CMYA5: variants seen among roughly 807,000 people sequenced by gnomAD.
CMYA5 encodes cardiomyopathy-associated protein 5.
In CMYA5, 246 loss-of-function variants were observed where a neutral mutation model predicts 318.9. The observed-to-expected ratio is 0.77, with a 90% confidence interval of 0.70 to 0.86. The LOEUF (loss-of-function observed/expected upper bound fraction) is 0.86. Ranked by LOEUF, CMYA5 falls within the 40% of genes least tolerant of loss-of-function variation. The pLI is 0.00. For synonymous variants in CMYA5, 1,641 were observed against 1,729.5 expected, an observed-to-expected ratio of 0.95 and a Z score of 1.27; for missense variants, 4,589 against 4,678.2, an observed-to-expected ratio of 0.98 and a Z score of 0.56.
At chr5:79,744,046 C>G (rs1029300456) in intron 3 of CMYA5, 124 bp downstream of exon 3, 3 of 526,584 alleles carry the variant, frequency 5.7e-6, no homozygotes, top group Non-Finnish European at 1.0e-5. Context: ...ATTGTTGGTT[C>G]GGTTCCATTC....
At chr5:79,699,363 A>C (rs1827134052) in intron 1 of CMYA5, among the ~76,000 whole-genome samples, 1 of 152,182 alleles carries the variant, frequency 6.6e-6, no homozygotes, top group Admixed American at 6.5e-5. Flanking sequence ...GGCATGGAGA[A>C]TGAAAACTGA....
chr5:79,775,189 C>T (rs904853129), intron 9 of CMYA5, among the ~76,000 whole-genome samples: 2 of 152,314 alleles, frequency 1.3e-5, no homozygotes, highest in African/African-American at 2.4e-5. Context: ...GATTCCCCAT[C>T]GCATCCCCCA....
At chr5:79,717,797 A>AT (rs1827547905) in intron 1 of CMYA5, among the ~76,000 whole-genome samples, 1 of 151,978 alleles carries the variant, frequency 6.6e-6, no homozygotes, top group Admixed American at 6.6e-5. Flanking sequence ...CGGCATAATT[A>AT]TGCTGTGTAA....
chr5:79,790,990 A>G lies in CMYA5; in HGVS notation c.11710A>G (p.Arg3904Gly), dbSNP rs763544308. The G allele has an allele frequency of 3.7e-6, 6 of 1,613,356 alleles. No homozygotes were observed. In the African/African-American group the frequency reaches 8.0e-5, roughly 22 times the overall value. Residue 3904 changes from arginine (R) to glycine (G), a missense_variant, in exon 11 of 13, where the codon AGA becomes GGA. Transcript: ENST00000446378. ...STRGTRFLLL[R>G]ETAHPALHIS... ...AATAGGAACCAGATTTCTCTTGTTG[A>G]GAGAAACAGCTCATCCTGCTCTACA...
intron 8 of CMYA5, chr5:79,762,186 A>G: frequency 2.1e-6 from 1 of 467,266 alleles, no homozygotes; most frequent in Non-Finnish European, 3.7e-6. Flanking sequence ...TAAGGGCCAT[A>G]TCCAGATATA....
intron 9 of CMYA5, among the ~76,000 whole-genome samples, chr5:79,778,811 C>CTGTGTGTGTGTGTGTGTATGTGTG (rs1828992858): frequency 1.2e-5 from 1 of 85,022 alleles, no homozygotes; most frequent in Admixed American, 1.3e-4. Context: ...CTCTCTCTTT[C>CTGTGTGTGTGTGTGTGTATGTGTG]TGTGTGTGTG....
Position 79,730,241 on chromosome 5 carries a change from C to T in CMYA5, c.1476C>T (p.Ser492=), listed in dbSNP as rs368442507. The stretch of plus-strand genomic sequence containing the variant: ...AGGAGGAAAACATGCTTGAGCCATC[C>T]ATTTCTCTTTCTGAACCTCTAATGT... ...GEKEENMLEP[S]ISLSEPLMLE... Residue 492 remains serine (S), a synonymous_variant, in exon 2 of 13, where the codon TCC becomes TCT. Coordinates refer to ENST00000446378, the MANE Select transcript of CMYA5 (RefSeq NM_153610.5). 6.2e-7 allele frequency: 1 copy of T among 1,613,916 alleles called. No individual in the cohort carries two copies. Among genetic ancestry groups the T allele is most frequent in the Non-Finnish European group, 8.5e-7 (1 of 1,179,856 alleles).
Position 79,737,172 on chromosome 5 carries a change from A to G in CMYA5, c.8407A>G (p.Lys2803Glu), listed in dbSNP as rs371358989. Residue 2803 changes from lysine to glutamate, a missense_variant, in exon 2 of 13, where the codon AAG becomes GAG. By Grantham distance (56) the Lys-to-Glu change is moderately conservative. Coordinates refer to ENST00000446378, the MANE Select transcript of CMYA5 (RefSeq NM_153610.5). ...RTLARPFDET[K>E]SSETPPYLLS... ...TTTAGCTCGTCCTTTTGATGAAACTAAGAGCTCAGAAACACCGCCATATTT... is the reference window on the plus strand; with the variant it reads ...TTTAGCTCGTCCTTTTGATGAAACTGAGAGCTCAGAAACACCGCCATATTT... The G allele has an allele frequency of 9.3e-5, 150 of 1,612,966 alleles. No individual in the cohort carries two copies. Among genetic ancestry groups the G allele is most frequent in the Non-Finnish European group, 1.2e-4 (139 of 1,179,646 alleles).
intron 1 of CMYA5, among the ~76,000 whole-genome samples, chr5:79,706,725 G>C (rs866876028): frequency 2.7e-5 from 4 of 145,788 alleles, no homozygotes; most frequent in Non-Finnish European, 5.9e-5. Flanking sequence ...GGCTCTCTGT[G>C]GGGGGAAGCA....
intron 10 of CMYA5, 32 bp downstream of exon 10, chr5:79,789,136 T>C: frequency 6.2e-7 from 1 of 1,611,052 alleles, no homozygotes; most frequent in Non-Finnish European, 8.5e-7. Context: ...GTGAGCTATT[T>C]CCAAGCTATT....
chr5:79,744,774 G>A (rs926619029), intron 3 of CMYA5, among the ~76,000 whole-genome samples: 3 of 152,178 alleles, frequency 2.0e-5, no homozygotes, highest in Non-Finnish European at 2.9e-5. Flanking sequence ...CCCACTGTGG[G>A]ATAACCTGCC....
At position 79,788,977 on chromosome 5, in the gene CMYA5, C is replaced by G; in HGVS notation, c.11562C>G (p.Phe3854Leu). ...ATTTTCCTCTTGTATTTAGATCTTT[C>G]TCTGGAATCAAAGGACTCCAGCTGA... ...HSPEGEGLRS[F>L]SGIKGLQLKV... Residue 3854 changes from phenylalanine to leucine, a missense_variant, in exon 10 of 13, where the codon TTC (phenylalanine) becomes TTG (leucine). Physicochemically the swap from Phe to Leu is conservative, Grantham distance 22. This residue lies in a region of CMYA5 where 2,431 missense variants were observed against 2,495.1 expected (regional missense o/e 0.97). Coordinates refer to ENST00000446378, the MANE Select transcript of CMYA5 (RefSeq NM_153610.5). The G allele has an allele frequency of 6.2e-7, 1 of 1,613,130 alleles. No individual in the cohort carries two copies.
In CMYA5 at chr5:79,733,042, C is replaced by T. The variant is rs377191145; in HGVS notation, c.4277C>T (p.Pro1426Leu). The T allele has an allele frequency of 1.9e-6, 3 of 1,613,186 alleles. No individual in the cohort carries two copies. The highest frequency in any genetic ancestry group is 2.5e-6 in the Non-Finnish European group (3 of 1,179,634). ...EDKVAIKGAS[P>L]IETSSKHLAW... ...AAGGTGGCAATTAAAGGTGCTTCTC[C>T]CATTGAAACTTCATCCAAACATTTA... The change falls in exon 2 of 13, where the codon CCC (proline) becomes CTC (leucine). Residue 1426 changes from proline (P) to leucine (L), a missense_variant. Pro to Leu is a moderately conservative substitution (Grantham distance 98). Coordinates refer to ENST00000446378, the MANE Select transcript of CMYA5 (RefSeq NM_153610.5).
Position 79,778,813 on chromosome 5 carries a change from G to GTGTGTGTGTGTGTGTGTGTGTGTGTA in CMYA5, c.11556-10135_11556-10134insGTATGTGTGTGTGTGTGTGTGTGTGT, listed in dbSNP as rs1561228868. The stretch of plus-strand genomic sequence containing the variant: ...GCCGCCTGCCCCCCTCTCTCTTTCT[G>GTGTGTGTGTGTGTGTGTGTGTGTGTA]TGTGTGTGTGTGTGTGTGTGTGTAT... On this transcript the variant is annotated intron_variant, in intron 9 of 12. Transcript: ENST00000446378. Among the ~76,000 whole-genome samples the GTGTGTGTGTGTGTGTGTGTGTGTGTA allele has an allele frequency of 1.3e-4, 13 of 99,978 alleles. 1 individual carries two copies. In the East Asian group the frequency reaches 1.9e-3, roughly 15 times the overall value. 65.6% of individuals were successfully genotyped at this position (99,978 alleles called of 152,430 possible).
At chr5:79,757,850 G>T (rs1233484332) in intron 6 of CMYA5, among the ~76,000 whole-genome samples, 6 of 152,122 alleles carry the variant, frequency 3.9e-5, no homozygotes, top group African/African-American at 9.7e-5. Flanking sequence ...ATACATTTTT[G>T]TTTATTTCTG....
At chr5:79,784,991 G>T (rs944319758) in intron 9 of CMYA5, among the ~76,000 whole-genome samples, 2 of 151,716 alleles carry the variant, frequency 1.3e-5, no homozygotes, top group Admixed American at 1.3e-4. Context: ...ATTTATCTCA[G>T]TAGATTGTGT....
At chr5:79,755,976 T>C (rs1218709264) in intron 6 of CMYA5, among the ~76,000 whole-genome samples, 1 of 151,784 alleles carries the variant, frequency 6.6e-6, no homozygotes, top group Admixed American at 6.6e-5. Context: ...TACAGCTCCA[T>C]GTATAATTCA....
In CMYA5 at chr5:79,791,017, A is replaced by T. The variant is rs2151100716; in HGVS notation, c.11737A>T (p.Ile3913Phe). The change falls in exon 11 of 13, where the codon ATT becomes TTT. Residue 3913 changes from isoleucine (I) to phenylalanine (F), a missense_variant. Physicochemically the swap from Ile to Phe is conservative, Grantham distance 21. This residue lies in a region of CMYA5 where 2,431 missense variants were observed against 2,495.1 expected (regional missense o/e 0.97). Coordinates refer to ENST00000446378, the MANE Select transcript of CMYA5 (RefSeq NM_153610.5). ...LRETAHPALH[I>F]SSSGTVISFG... ...AGAAACAGCTCATCCTGCTCTACACATTTCCTCAAGTGGGACAGTGATCAG... is the reference window on the plus strand; with the variant it reads ...AGAAACAGCTCATCCTGCTCTACACTTTTCCTCAAGTGGGACAGTGATCAG... 6 of 1,613,930 alleles carry T rather than the reference A, an allele frequency of 3.7e-6. No individual in the cohort carries two copies. The highest frequency in any genetic ancestry group is 4.2e-6 in the Non-Finnish European group (5 of 1,179,850).
At chr5:79,713,730 G>A (rs373768220) in intron 1 of CMYA5, among the ~76,000 whole-genome samples, 45 of 152,050 alleles carry the variant, frequency 3.0e-4, no homozygotes, top group East Asian at 1.5e-3. Context: ...CAGAGTTCTC[G>A]ATGGGTCATG....
Sources: gnomAD v4.1 joint callset for allele counts (sites outside exome capture counted in the v4.1 genomes callset) on GRCh38, gnomAD v4.1.1 for gene constraint, gnomAD v4.1.1 regional missense constraint, MANE v1.5 for transcripts, NCBI Gene and HGNC (gene_info 2026-07-23, HGNC 2026-07-21) for gene names.